The following PSMD14 variants were observed in gnomAD, a reference collection of about 807,000 sequenced individuals.
PSMD14 encodes the protein proteasome 26S subunit, non-ATPase 14.
In PSMD14, 7 loss-of-function variants were observed where a neutral mutation model predicts 41.2. The observed-to-expected ratio is 0.17, with a 90% CI of 0.10 to 0.32. PSMD14 has a LOEUF of 0.32. Ranked by LOEUF, PSMD14 falls within the 10% of genes least tolerant of loss-of-function variation. PSMD14 has a pLI of 1.00. For synonymous variants in PSMD14, 114 were observed against 122.3 expected, an observed-to-expected ratio of 0.93 and a Z score of 0.45; for missense variants, 139 against 375.6, an observed-to-expected ratio of 0.37 and a Z score of 5.21.
chr2:161,365,149 CAT>C (rs1246357816), intron 3 of PSMD14, among the ~76,000 whole-genome samples: 1 of 152,164 alleles, frequency 6.6e-6, no homozygotes, highest in African/African-American at 2.4e-5. Context: ...TAAACAGCTG[CAT>C]AGTCTTCTCT....
intron 10 of PSMD14, among the ~76,000 whole-genome samples, chr2:161,398,755 C>T (rs982917479): frequency 1.3e-5 from 2 of 151,786 alleles, no homozygotes; most frequent in African/African-American, 4.8e-5. Context: ...TTCAGTATTT[C>T]TTTTATATGC....
At chr2:161,394,270 C>G (rs1683759717) in intron 9 of PSMD14, among the ~76,000 whole-genome samples, 1 of 151,938 alleles carries the variant, frequency 6.6e-6, no homozygotes, top group South Asian at 2.1e-4. Context: ...CTGTGCCCGG[C>G]CTAGATAAAT....
intron 2 of PSMD14, among the ~76,000 whole-genome samples, chr2:161,317,502 G>GGTGCCAATAATGTTCTGT (rs1352144103): frequency 6.6e-6 from 1 of 152,168 alleles, no homozygotes; most frequent in Non-Finnish European, 1.5e-5. Context: ...GCGTTTCTGA[G>GGTGCCAATAATGTTCTGT]GTGCCAATAA....
At chr2:161,318,248 A>G (rs981161163) in intron 2 of PSMD14, among the ~76,000 whole-genome samples, 3 of 152,304 alleles carry the variant, frequency 2.0e-5, no homozygotes, top group South Asian at 2.1e-4. Context: ...TGTTTATGCT[A>G]TAGTATTTCT....
At chr2:161,318,243 A>T (rs538417293) in intron 2 of PSMD14, among the ~76,000 whole-genome samples, 1 of 152,322 alleles carries the variant, frequency 6.6e-6, no homozygotes, top group African/African-American at 2.4e-5. Context: ...TTTAATGTTT[A>T]TGCTATAGTA....
intron 5 of PSMD14, among the ~76,000 whole-genome samples, chr2:161,369,839 G>C (rs190036511): frequency 6.6e-6 from 1 of 151,940 alleles, no homozygotes; most frequent in African/African-American, 2.4e-5. Context: ...CAATTATTTC[G>C]TATTTCTGGT....
intron 7 of PSMD14, chr2:161,382,816 A>T: frequency 6.6e-6 from 1 of 151,800 alleles, no homozygotes; most frequent in Non-Finnish European, 1.5e-5. Flanking sequence ...ATATACTTCA[A>T]AATGAACTGT....
chr2:161,392,714 G>T (rs1329521637), intron 9 of PSMD14, among the ~76,000 whole-genome samples: 1 of 152,010 alleles, frequency 6.6e-6, no homozygotes, highest in Non-Finnish European at 1.5e-5. Context: ...TCTTCTAATT[G>T]CCTGCCTGTG....
intron 3 of PSMD14, among the ~76,000 whole-genome samples, chr2:161,330,991 T>A (rs907227387): frequency 2.0e-5 from 3 of 152,180 alleles, no homozygotes; most frequent in Non-Finnish European, 4.4e-5. Context: ...GACAGTAGAA[T>A]GACAAAACCT....
intron 3 of PSMD14, among the ~76,000 whole-genome samples, chr2:161,325,397 T>G (rs191377677): frequency 8.5e-5 from 13 of 152,338 alleles, no homozygotes; most frequent in Admixed American, 7.2e-4. Context: ...GTATATTCAC[T>G]AATAACTTTT....
At chr2:161,408,678 G>A (rs12471336) in intron 10 of PSMD14, 159 bp from the exon 11 acceptor site, 4 of 561,192 alleles carry the variant, frequency 7.1e-6, no homozygotes, top group South Asian at 2.1e-5. Context: ...TGCCCTGAAG[G>A]TTATTCTGAA....
chr2:161,352,569 C>A lies in PSMD14; in HGVS notation c.49-14909C>A, dbSNP rs530352532. 5.9e-5 allele frequency among the ~76,000 whole-genome samples: 9 copies of A among 152,288 alleles called. No individual in the cohort carries two copies. In the East Asian group the frequency reaches 1.7e-3, roughly 29 times the overall value. ...TATTACATTTTAAGGACTAGGACCACATCTAACTGGTTTGTCATATACCCA... is the reference window on the plus strand; with the variant it reads ...TATTACATTTTAAGGACTAGGACCAAATCTAACTGGTTTGTCATATACCCA... On this transcript the variant is annotated intron_variant, in intron 3 of 11. Transcript: ENST00000409682.
intron 7 of PSMD14, among the ~76,000 whole-genome samples, chr2:161,372,934 C>T (rs1683456806): frequency 6.6e-6 from 1 of 151,744 alleles, no homozygotes; most frequent in Admixed American, 6.6e-5. Context: ...GATATCTTGA[C>T]TCATGTGATG....
chr2:161,374,478 C>T (rs1683478703), intron 7 of PSMD14, among the ~76,000 whole-genome samples: 1 of 151,882 alleles, frequency 6.6e-6, no homozygotes, highest in Non-Finnish European at 1.5e-5. Flanking sequence ...TTGTACAGTA[C>T]TATAAATGTT....
At chr2:161,394,945 G>C in intron 9 of PSMD14, 133 bp from the exon 10 acceptor site, 1 of 754,648 alleles carries the variant, frequency 1.3e-6, no homozygotes, top group Non-Finnish European at 2.0e-6. Flanking sequence ...ATTCTAATTG[G>C]AGTTCATTTG....
At chr2:161,404,306 A>G (rs1683920937) in intron 10 of PSMD14, among the ~76,000 whole-genome samples, 1 of 152,206 alleles carries the variant, frequency 6.6e-6, no homozygotes, top group African/African-American at 2.4e-5. Flanking sequence ...TGCCAGATAA[A>G]TGGTAGATGC....
chr2:161,314,278 T>A (rs1253239564), intron 1 of PSMD14, among the ~76,000 whole-genome samples: 1 of 152,178 alleles, frequency 6.6e-6, no homozygotes, highest in Non-Finnish European at 1.5e-5. Context: ...TATTGCAAAA[T>A]TTTGTGTGAA....
chr2:161,367,437 T>C (rs924563781), intron 3 of PSMD14, 41 bp from the exon 4 acceptor site: 8 of 1,479,128 alleles, frequency 5.4e-6, no homozygotes, highest in Non-Finnish European at 7.4e-6. Flanking sequence ...ACTCATAAAC[T>C]CTGTGTTTGT....
intron 3 of PSMD14, among the ~76,000 whole-genome samples, chr2:161,334,503 G>C (rs1357309152): frequency 6.6e-6 from 1 of 152,156 alleles, no homozygotes; most frequent in African/African-American, 2.4e-5. Context: ...AGGAAATTGA[G>C]GCATGTAGAA....
Sources: gnomAD v4.1 joint callset for allele counts (sites outside exome capture counted in the v4.1 genomes callset) on GRCh38, gnomAD v4.1.1 for gene constraint, MANE v1.5 for transcripts, NCBI Gene and HGNC (gene_info 2026-07-23, HGNC 2026-07-21) for gene names.